The following SPTB variants were observed in gnomAD, a reference collection of about 807,000 sequenced individuals.
SPTB encodes the protein spectrin beta, erythrocytic.
In SPTB, 45 loss-of-function variants were observed where a neutral mutation model predicts 256.2. The ratio of observed to expected loss-of-function variants is 0.18; its 90% confidence interval spans 0.14 to 0.23. The LOEUF is 0.23. Among genes scored for constraint, SPTB ranks in the 10% least tolerant of loss-of-function variants. SPTB has a pLI of 1.00. For synonymous variants in SPTB, 1,231 were observed against 1,243.1 expected (o/e 0.99, Z 0.21); for missense variants, 2,715 against 3,040.4 (o/e 0.89, Z 2.52).
In SPTB at chr14:64,807,738, A is replaced by C. The variant is rs1413841656; in HGVS notation, c.149-2648T>G. 6.6e-6 allele frequency among the ~76,000 whole-genome samples: 1 copy of C among 152,230 alleles called. No homozygotes were observed. The highest frequency in any genetic ancestry group is 2.4e-5 in the African/African-American group (1 of 41,468). On this transcript the variant is annotated intron_variant, in intron 2 of 35. Transcript: ENST00000644917. This position sits in a 1 kb window ranked among gnomAD's most constrained non-coding sequence, Gnocchi z 4.7. ...CCCAGATGCTCATCCCAAGCCTTCC[A>C]AGGGCAGGAGAGGCGGTGGCCTGGA...
In SPTB at chr14:64,760,602, C is replaced by T. The variant is rs2082079270; in HGVS notation, c.6345+6124G>A. ...TGCAGCAACGGGATGCATCGTGCCA[C>T]AACTGAATTCATGTTAGAATTCACA... On this transcript the variant is annotated intron_variant, in intron 32 of 35. Transcript: ENST00000644917. The surrounding 1 kb of genome is among the most constrained non-coding windows in gnomAD (Gnocchi z 4.3). 6.6e-6 allele frequency among the ~76,000 whole-genome samples: 1 copy of T among 152,194 alleles called. No homozygotes were observed. The highest frequency in any genetic ancestry group is 1.5e-5 in the Non-Finnish European group (1 of 68,032).
In SPTB at chr14:64,753,539, G is replaced by A; in HGVS notation, c.6600C>T (p.Asn2200=). The change falls in exon 33 of 36, where the codon AAC becomes AAT. Residue 2200 remains asparagine (N), a splice_region_variant and synonymous_variant. Transcript: ENST00000644917. ...DLEGPNKKAS[N]RSWNNLYCVL... ...CCAGCAGCCTCTCCCGCACTCACCT[G>A]TTGGAAGCCTTCTTGTTGGGCCCCT... The A allele has an allele frequency of 6.2e-7, 1 of 1,613,456 alleles. No homozygotes were observed. Among genetic ancestry groups the A allele is most frequent in the Non-Finnish European group, 8.5e-7 (1 of 1,180,016 alleles).
At position 64,794,557 on chromosome 14, in the gene SPTB, T is replaced by C. The variant is rs770700837; in HGVS notation, c.1705A>G (p.Lys569Glu). The C allele has an allele frequency of 1.9e-6, 3 of 1,614,178 alleles. No homozygotes were observed. Among genetic ancestry groups the C allele is most frequent in the Non-Finnish European group, 2.5e-6 (3 of 1,180,036 alleles). The change falls in exon 13 of 36, where the codon AAG becomes GAG. Residue 569 changes from lysine to glutamate, a missense_variant. By Grantham distance (56) the Lys-to-Glu change is moderately conservative (BLOSUM62 1). Around this residue, in one of 4 missense-constraint regions of SPTB, gnomAD observed 2,239 missense variants for 2,384.4 expected, o/e 0.94. Coordinates refer to ENST00000644917, the MANE Select transcript of SPTB (RefSeq NM_001355436.2). Reference sequence around the variant, plus strand: ...ATGTCAGCTTCCATCAACTTGTGCTTCTGTAGCAGGTCTTCAACCTCCAAC... The same window carrying C: ...ATGTCAGCTTCCATCAACTTGTGCTCCTGTAGCAGGTCTTCAACCTCCAAC... ...HLLEVEDLLQ[K>E]HKLMEADIAI...
chr14:64,819,568 G>A lies in SPTB; in HGVS notation c.148+3379C>T, dbSNP rs1356278455. Among the ~76,000 whole-genome samples the A allele has an allele frequency of 3.9e-5, 6 of 152,306 alleles. No homozygotes were observed. In the East Asian group the frequency reaches 1.2e-3, roughly 29 times the overall value. ...GAGAGAGAGACCTGCATGGCATGGG[G>A]CTTCATCTCATGGGCATCAGGTCTG... On this transcript the variant is annotated intron_variant, in intron 2 of 35. Coordinates refer to ENST00000644917, the MANE Select transcript of SPTB (RefSeq NM_001355436.2).
Position 64,853,036 on chromosome 14 carries a change from A to G in SPTB, c.-52+26756T>C, listed in dbSNP as rs2083811573. On this transcript the variant is annotated intron_variant, in intron 1 of 35. Coordinates refer to ENST00000644917, the MANE Select transcript of SPTB (RefSeq NM_001355436.2). The surrounding 1 kb of genome is among the most constrained non-coding windows in gnomAD (Gnocchi z 4.3). ...TGTGGGGAGGCTTCCCTGAGGAAGT[A>G]GCCTTTAAATGGATACCTATGGGAC... is the stretch of plus-strand genomic sequence containing the variant. 6.6e-6 allele frequency among the ~76,000 whole-genome samples: 1 copy of G among 152,188 alleles called. No individual in the cohort carries two copies. Among genetic ancestry groups the G allele is most frequent in the African/African-American group, 2.4e-5 (1 of 41,426 alleles).
At chr14:64,879,128 A>G (rs901064548) in intron 1 of SPTB, among the ~76,000 whole-genome samples, 1 of 152,214 alleles carries the variant, frequency 6.6e-6, no homozygotes. Flanking sequence ...GGAGAAGCTT[A>G]GAGGAAGAGA....
In SPTB at chr14:64,844,276, T is replaced by C. The variant is rs17102210; in HGVS notation, c.-51-21131A>G. ...ACTGCCAGCAAATGCACGTCCTCAG[T>C]TGTGAATTATCCACCTATGTGTGAA... On this transcript the variant is annotated intron_variant, in intron 1 of 35. Transcript: ENST00000644917. This position sits in a 1 kb window ranked among gnomAD's most constrained non-coding sequence, Gnocchi z 4.1. 0.024 allele frequency among the ~76,000 whole-genome samples: 3,726 copies of C among 152,256 alleles called. 158 individuals are homozygous for C. Among genetic ancestry groups the C allele is most frequent in the African/African-American group, 0.084 (3,501 of 41,510 alleles).
Position 64,802,593 on chromosome 14 carries a change from A to G in SPTB, c.475-276T>C, listed in dbSNP as rs74056019. ...AGGGCCTGGAGCCTGGTGCACCATC[A>G]GTACTCCATAGCTGTATTGTGGCTG... On this transcript the variant is annotated intron_variant, in intron 4 of 35. Coordinates refer to ENST00000644917, the MANE Select transcript of SPTB (RefSeq NM_001355436.2). This position sits in a 1 kb window ranked among gnomAD's most constrained non-coding sequence, Gnocchi z 5.1. Among the ~76,000 whole-genome samples the G allele has an allele frequency of 0.07, 10,656 of 152,122 alleles. 510 individuals carry two copies. Among genetic ancestry groups the G allele is most frequent in the East Asian group, 0.2 (1,012 of 5,164 alleles).
chr14:64,795,309 C>T lies in SPTB; in HGVS notation c.1644+28G>A. On this transcript the variant is annotated intron_variant, in intron 12 of 35. Coordinates refer to ENST00000644917, the MANE Select transcript of SPTB (RefSeq NM_001355436.2). The surrounding 1 kb of genome is among the most constrained non-coding windows in gnomAD (Gnocchi z 6.5). ...GAGACCCAAGGTGAGCACTGCAGGG[C>T]ATGGCGGGGGCGGCCCCCAGGGCCC... 1.9e-6 allele frequency: 3 copies of T among 1,603,736 alleles called. No individual in the cohort carries two copies. The highest frequency in any genetic ancestry group is 1.7e-6 in the Non-Finnish European group (2 of 1,179,822).
In SPTB at chr14:64,790,501, C is replaced by T. The variant is rs1403919477; in HGVS notation, c.2804+1218G>A. Among the ~76,000 whole-genome samples, 1 of 152,194 alleles carries T rather than the reference C, an allele frequency of 6.6e-6. No individual in the cohort carries two copies. Among genetic ancestry groups the T allele is most frequent in the Non-Finnish European group, 1.5e-5 (1 of 68,046 alleles). ...GGTATTCTCTTCCTTTGTAAAACATCAGATTGACAAAGGAATCTCCTAAAC... is the reference window on the plus strand; with the variant it reads ...GGTATTCTCTTCCTTTGTAAAACATTAGATTGACAAAGGAATCTCCTAAAC... On this transcript the variant is annotated intron_variant, in intron 15 of 35. Transcript: ENST00000644917. This position sits in a 1 kb window ranked among gnomAD's most constrained non-coding sequence, Gnocchi z 4.8.
chr14:64,765,067 G>A (rs2082148881), intron 32 of SPTB, among the ~76,000 whole-genome samples: 2 of 133,120 alleles, frequency 1.5e-5, no homozygotes, highest in Non-Finnish European at 3.4e-5. Flanking sequence ...GGTGGTGGAT[G>A]GGGGTGGGTG....
intron 1 of SPTB, among the ~76,000 whole-genome samples, chr14:64,858,931 A>G (rs1351322733): frequency 6.6e-6 from 1 of 152,204 alleles, no homozygotes; most frequent in Non-Finnish European, 1.5e-5. Flanking sequence ...CCAAATAAAA[A>G]AACAGAAACA....
intron 1 of SPTB, among the ~76,000 whole-genome samples, chr14:64,868,689 G>C (rs181863274): frequency 6.7e-4 from 102 of 152,358 alleles, no homozygotes; most frequent in Non-Finnish European, 1.2e-3. Context: ...AGAGAGGGCA[G>C]AGGTTCAATG....
chr14:64,829,361 AAG>A (rs1385218490), intron 1 of SPTB, among the ~76,000 whole-genome samples: 1 of 152,208 alleles, frequency 6.6e-6, no homozygotes, highest in Non-Finnish European at 1.5e-5. Context: ...GCTGTAAATC[AAG>A]AGAGACTCAG....
chr14:64,806,207 AT>A lies in SPTB; in HGVS notation c.149-1118del, dbSNP rs1313270175. ...AAGTAGCAGAAAAGAAGAAAAACAA[AT>A]AAGATAGAATTGAAGGTGAGAAGAG... On this transcript the variant is annotated intron_variant, in intron 2 of 35. Coordinates refer to ENST00000644917, the MANE Select transcript of SPTB (RefSeq NM_001355436.2). This position sits in a 1 kb window ranked among gnomAD's most constrained non-coding sequence, Gnocchi z 4.1. Among the ~76,000 whole-genome samples, 1 of 152,202 alleles carries A rather than the reference AT, an allele frequency of 6.6e-6. No homozygotes were observed. Among genetic ancestry groups the A allele is most frequent in the East Asian group, 1.9e-4 (1 of 5,200 alleles).
Position 64,759,660 on chromosome 14 carries a change from T to C in SPTB, c.6346-5867A>G, listed in dbSNP as rs1378407224. On this transcript the variant is annotated intron_variant, in intron 32 of 35. Transcript: ENST00000644917. The surrounding 1 kb of genome is among the most constrained non-coding windows in gnomAD (Gnocchi z 4.8). The stretch of plus-strand genomic sequence containing the variant: ...GCAGGTTCTGCCCAAAGGCAGCATA[T>C]GGAGGAGCTGATCTGAGGTTCCCTT... Among the ~76,000 whole-genome samples the C allele has an allele frequency of 2.0e-5, 3 of 152,304 alleles. No individual in the cohort carries two copies. The highest frequency in any genetic ancestry group is 2.1e-4 in the South Asian group (1 of 4,822).
At chr14:64,791,646 T>C in intron 15 of SPTB, 73 bp downstream of exon 15, 28 of 1,574,258 alleles carry the variant, frequency 1.8e-5, no homozygotes, top group Non-Finnish European at 2.4e-5. Context: ...GACTAAATTT[T>C]GGGCCCGGCC....
At chr14:64,798,603 G>A (rs1035326829) in intron 9 of SPTB, among the ~76,000 whole-genome samples, 2 of 152,212 alleles carry the variant, frequency 1.3e-5, no homozygotes, top group African/African-American at 4.8e-5. Context: ...GGATCTCAGT[G>A]CTCACAGGCA....
At chr14:64,838,140 A>T (rs1409157623) in intron 1 of SPTB, among the ~76,000 whole-genome samples, 1 of 152,240 alleles carries the variant, frequency 6.6e-6, no homozygotes, top group African/African-American at 2.4e-5. Context: ...CAACAGAGGT[A>T]CAAAAACAAC....
Sources: allele counts gnomAD v4.1 joint callset (sites outside exome capture counted in the v4.1 genomes callset), GRCh38; gene constraint gnomAD v4.1.1; regional missense constraint gnomAD v4.1.1; non-coding constraint Gnocchi (gnomAD v3.1); transcripts MANE v1.5; gene names NCBI Gene and HGNC (gene_info 2026-07-23, HGNC 2026-07-21).